The following FRY variants were observed in gnomAD, a reference collection of about 807,000 sequenced individuals.
The protein encoded by FRY is FRY microtubule binding protein, also known as protein furry homolog.
FRY carries 128 observed loss-of-function variants against 348.4 expected under a neutral mutation model. The ratio of observed to expected loss-of-function variants is 0.37; its 90% confidence interval spans 0.32 to 0.43. The LOEUF (loss-of-function observed/expected upper bound fraction) is 0.43, where lower values mean the gene tolerates loss of function less well. Among genes scored for constraint, FRY ranks in the 20% least tolerant of loss-of-function variants. The pLI is 1.00. For missense variants in FRY, 2,736 were observed against 3,695.2 expected (o/e 0.74, Z 6.73); for synonymous variants, 1,370 against 1,374.7 (o/e 1.00, Z 0.08).
intron 46 of FRY, among the ~76,000 whole-genome samples, chr13:32,242,417 TTTTAA>T (rs756051092): frequency 1.3e-5 from 2 of 152,224 alleles, no homozygotes; most frequent in Non-Finnish European, 1.5e-5. Context: ...TCCATTTATT[TTTTAA>T]TTTAACACTT....
rs542280769 is a variant in FRY at position 32,145,694 on chromosome 13, G to A, written c.1180-1588G>A. Among the ~76,000 whole-genome samples, 41 of 151,236 alleles carry A rather than the reference G, an allele frequency of 2.7e-4. 1 individual carries two copies. The South Asian group carries it at 5.4e-3, about 20-fold the overall frequency. On this transcript the variant is annotated intron_variant, in intron 11 of 60. Transcript: ENST00000542859. ...CGAGTAGCTGGGACTACAGGCGCCC[G>A]CCACCGCGCCCGGCTAATTTTTTGT...
intron 7 of FRY, among the ~76,000 whole-genome samples, chr13:32,131,331 T>A (rs1879346874): frequency 6.6e-6 from 1 of 152,188 alleles, no homozygotes; most frequent in Non-Finnish European, 1.5e-5. Flanking sequence ...GGCTCTGGGG[T>A]CTGCAACTGT....
chr13:32,145,599 C>G (rs1880385880), intron 11 of FRY, among the ~76,000 whole-genome samples: 1 of 141,746 alleles, frequency 7.1e-6, no homozygotes, highest in South Asian at 2.2e-4. Context: ...CTGCGGACTG[C>G]AGTGGTGCAA....
rs772173693 is a variant in FRY at position 32,139,777 on chromosome 13, TG to T, written c.1179+2806del. Among the ~76,000 whole-genome samples the T allele has an allele frequency of 9.9e-4, 151 of 152,326 alleles. 1 individual carries two copies. In the Middle Eastern group the frequency reaches 0.017, roughly 17 times the overall value. On this transcript the variant is annotated intron_variant, in intron 11 of 60. Transcript: ENST00000542859. ...TGGTGACCAATACTTTTTTCTTCTA[TG>T]TATTTTATGTCAGAATCTGAACATA...
intron 40 of FRY, among the ~76,000 whole-genome samples, chr13:32,229,152 A>G (rs903561585): frequency 2.0e-5 from 3 of 152,260 alleles, no homozygotes; most frequent in Admixed American, 6.5e-5. Flanking sequence ...AATAGGAAGC[A>G]TAATAGGAAA....
chr13:32,280,655 T>C (rs1182293797), intron 58 of FRY, among the ~76,000 whole-genome samples: 3 of 152,228 alleles, frequency 2.0e-5, no homozygotes, highest in African/African-American at 7.2e-5. Flanking sequence ...AAAAAACAAC[T>C]TGTTATCTGA....
At chr13:32,132,005 G>T (rs926613434) in intron 8 of FRY, among the ~76,000 whole-genome samples, 165 bp downstream of exon 8, 2 of 152,046 alleles carry the variant, frequency 1.3e-5, no homozygotes, top group African/African-American at 4.8e-5. Context: ...TACAGTTGCG[G>T]GCACATAATT....
chr13:32,134,810 G>T, intron 8 of FRY, 94 bp from the exon 9 acceptor site: 2 of 810,890 alleles, frequency 2.5e-6, no homozygotes, highest in South Asian at 1.3e-5. Context: ...ATACATGATT[G>T]AATTAAGAGC....
intron 14 of FRY, among the ~76,000 whole-genome samples, chr13:32,154,034 C>T (rs1460217411): frequency 2.0e-5 from 3 of 152,146 alleles, no homozygotes; most frequent in African/African-American, 7.2e-5. Context: ...AGAGAACTGA[C>T]AAGGATGATT....
chr13:32,214,433 G>A (rs1884866276), intron 35 of FRY, among the ~76,000 whole-genome samples: 1 of 152,160 alleles, frequency 6.6e-6, no homozygotes, highest in African/African-American at 2.4e-5. Context: ...AAGATTATGA[G>A]ATTTTGAGTG....
At chr13:32,294,681 C>A in intron 60 of FRY, 111 bp downstream of exon 60, 1 of 801,426 alleles carries the variant, frequency 1.2e-6, no homozygotes, top group Non-Finnish European at 2.1e-6. Flanking sequence ...TTACAGATCT[C>A]TTCTCAGATC....
chr13:32,063,263 C>T (rs978409652), intron 1 of FRY, among the ~76,000 whole-genome samples: 2 of 152,166 alleles, frequency 1.3e-5, no homozygotes, highest in Non-Finnish European at 1.5e-5. Flanking sequence ...CTGTGTAATG[C>T]ATTTGCCAAT....
intron 16 of FRY, among the ~76,000 whole-genome samples, chr13:32,160,032 T>C (rs945960791): frequency 3.3e-5 from 5 of 152,328 alleles, no homozygotes; most frequent in African/African-American, 1.2e-4. Context: ...CAACATATTA[T>C]GTGTTTTATT....
chr13:32,061,693 T>G (rs1296100420), intron 1 of FRY, among the ~76,000 whole-genome samples: 1 of 152,224 alleles, frequency 6.6e-6, no homozygotes, highest in African/African-American at 2.4e-5. Context: ...TAAAATATTT[T>G]TCCTTTTTGT....
chr13:32,249,585 G>A lies in FRY; in HGVS notation c.7068G>A (p.Lys2356=). 6.2e-7 allele frequency: 1 copy of A among 1,614,176 alleles called. No homozygotes were observed. Among genetic ancestry groups the A allele is most frequent in the African/African-American group, 1.3e-5 (1 of 75,036 alleles). ...AGAATTCTTCTGGGCGTGATGGGAA[G>A]CCCAGGGCCATGGCCGTCACCCGGA... ...ELQNSSGRDG[K]PRAMAVTRST... Residue 2356 remains lysine (K), a synonymous_variant, in exon 49 of 61, where the codon AAG becomes AAA. Coordinates refer to ENST00000542859, the MANE Select transcript of FRY (RefSeq NM_023037.3).
chr13:32,239,687 TA>T lies in FRY; in HGVS notation c.6517-22del. The T allele has an allele frequency of 6.5e-7, 1 of 1,543,760 alleles. No homozygotes were observed. Among genetic ancestry groups the T allele is most frequent in the Non-Finnish European group, 9.0e-7 (1 of 1,116,680 alleles). ...CCTATTCATTGGGCTATTTTATTCCTAATTGATTTTTTTATTTTAAAAGGTT... is the reference window on the plus strand; with the variant it reads ...CCTATTCATTGGGCTATTTTATTCCTATTGATTTTTTTATTTTAAAAGGTT... On this transcript the variant is annotated intron_variant, in intron 45 of 60. Transcript: ENST00000542859. The surrounding 1 kb of genome is among the most constrained non-coding windows in gnomAD (Gnocchi z 4.3).
chr13:32,195,568 T>C (rs1235150129), intron 29 of FRY, among the ~76,000 whole-genome samples: 2 of 152,246 alleles, frequency 1.3e-5, no homozygotes, highest in Admixed American at 6.5e-5. Context: ...TGGCTTGAGC[T>C]ATCCTAATCA....
intron 1 of FRY, among the ~76,000 whole-genome samples, chr13:32,052,526 A>G (rs188417717): frequency 3.3e-5 from 5 of 152,356 alleles, no homozygotes; most frequent in Admixed American, 6.5e-5. Context: ...ATCTAATTCA[A>G]TATATCTAAA....
In FRY at chr13:32,295,604, G is replaced by A. The variant is rs1398070746; in HGVS notation, c.*144G>A. The stretch of plus-strand genomic sequence containing the variant: ...CTGTAGGGCTTTTTCTAAAGAGGAT[G>A]GCAGAACTTCCAACGTGTAGCAATA... On this transcript the variant is annotated 3_prime_UTR_variant, in exon 61 of 61. Transcript: ENST00000542859. The A allele has an allele frequency of 2.6e-6, 2 of 757,672 alleles. No homozygotes were observed. The highest frequency in any genetic ancestry group is 4.5e-6 in the Non-Finnish European group (2 of 446,944). The allele number at this position is 757,672 out of a possible 1,614,324, so 46.9% of individuals were successfully genotyped here. A position where few individuals can be genotyped will look rare whatever the true frequency, so the allele number is the denominator to read the frequency against.
Sources: gnomAD v4.1 joint callset for allele counts (sites outside exome capture counted in the v4.1 genomes callset) on GRCh38, gnomAD v4.1.1 for gene constraint, Gnocchi (gnomAD v3.1) non-coding constraint, MANE v1.5 for transcripts, NCBI Gene and HGNC (gene_info 2026-07-23, HGNC 2026-07-21) for gene names.